STARD13: variants seen among roughly 807,000 people sequenced by gnomAD.
STARD13 encodes stAR-related lipid transfer protein 13.
STARD13 carries 62 observed loss-of-function variants against 106.4 expected under a neutral mutation model. That is an observed-to-expected ratio of 0.58 (90% CI 0.48 to 0.72). STARD13 has a LOEUF of 0.72. Ranked by LOEUF, STARD13 falls within the 30% of genes least tolerant of loss-of-function variation. STARD13 has a pLI of 0.00. For missense variants in STARD13, 1,387 were observed against 1,424.0 expected (o/e 0.97, Z 0.42); for synonymous variants, 565 against 553.0 (o/e 1.02, Z -0.31).
chr13:33,229,943 C>A (rs1396598840), intron 1 of STARD13, among the ~76,000 whole-genome samples: 1 of 152,208 alleles, frequency 6.6e-6, no homozygotes, highest in Non-Finnish European at 1.5e-5. Context: ...TGGTTGCCTG[C>A]TGCCAGAAAT....
intron 1 of STARD13, chr13:33,188,112 T>G (rs1885940303): frequency 6.6e-6 from 1 of 152,118 alleles, no homozygotes; most frequent in Non-Finnish European, 1.5e-5. Context: ...CAAAGGCAGG[T>G]GGGTGAATCT....
chr13:33,248,275 T>C (rs781462923), intron 1 of STARD13, among the ~76,000 whole-genome samples: 2 of 152,092 alleles, frequency 1.3e-5, no homozygotes, highest in Non-Finnish European at 2.9e-5. Flanking sequence ...GGCAACCAGC[T>C]GTGGTGAGCT....
intron 1 of STARD13, among the ~76,000 whole-genome samples, chr13:33,314,381 G>C (rs930494193): frequency 6.6e-6 from 1 of 152,174 alleles, no homozygotes. Flanking sequence ...GTGATTTGGA[G>C]CAGGACTACA....
chr13:33,280,004 A>G (rs1891686393), intron 1 of STARD13: 2 of 152,182 alleles, frequency 1.3e-5, no homozygotes, highest in Non-Finnish European at 1.5e-5. Flanking sequence ...AACTTGAGCA[A>G]TACATGACTG....
At chr13:33,390,481 A>G in the STARD13 span, among the ~76,000 whole-genome samples, 3 of 152,142 alleles carry the variant, frequency 2.0e-5, no homozygotes. Context: ...CGCAAGCTTT[A>G]CTCTACTTGA....
Position 33,105,512 on chromosome 13 carries a change from G to T in STARD13, c.*81C>A. On this transcript the variant is annotated 3_prime_UTR_variant, in exon 14 of 14. Coordinates refer to ENST00000336934, the MANE Select transcript of STARD13 (RefSeq NM_178006.4). ...GCGTCCTTCAGTTCCTCTTTCTCTC[G>T]CTTTCTCACATGCACACTCTCTGCC... The T allele has an allele frequency of 3.1e-6, 3 of 968,384 alleles. No individual in the cohort carries two copies. Among genetic ancestry groups the T allele is most frequent in the Non-Finnish European group, 4.9e-6 (3 of 608,156 alleles). The allele number at this position is 968,384 out of a possible 1,614,324, so 60.0% of individuals were successfully genotyped here.
chr13:33,651,449 GCCT>G, the STARD13 span, among the ~76,000 whole-genome samples: 1 of 152,146 alleles, frequency 6.6e-6, no homozygotes, highest in African/African-American at 2.4e-5. Flanking sequence ...CCCATTTCAT[GCCT>G]CTAATCCAAG....
chr13:33,263,805 C>T (rs115188993), intron 1 of STARD13, among the ~76,000 whole-genome samples: 1 of 152,222 alleles, frequency 6.6e-6, no homozygotes, highest in African/African-American at 2.4e-5. Context: ...GAAAAAATGA[C>T]AGGAACCCAG....
chr13:33,455,021 T>C, the STARD13 span, among the ~76,000 whole-genome samples: 1 of 152,226 alleles, frequency 6.6e-6, no homozygotes, highest in Non-Finnish European at 1.5e-5. Context: ...CTGGCTTTTG[T>C]TCAAAGATAT....
chr13:33,314,483 C>T (rs150449802), intron 1 of STARD13, among the ~76,000 whole-genome samples: 1 of 152,232 alleles, frequency 6.6e-6, no homozygotes, highest in Non-Finnish European at 1.5e-5. Flanking sequence ...TAGCAGAAGG[C>T]CAGTTATCTG....
chr13:33,617,906 T>C, the STARD13 span, among the ~76,000 whole-genome samples: 1 of 152,194 alleles, frequency 6.6e-6, no homozygotes, highest in African/African-American at 2.4e-5. Flanking sequence ...CATGATGTTA[T>C]GATAGAAAAT....
At chr13:33,403,154 C>T in the STARD13 span, among the ~76,000 whole-genome samples, 1 of 152,236 alleles carries the variant, frequency 6.6e-6, no homozygotes, top group Non-Finnish European at 1.5e-5. Context: ...GCCCCGGCTC[C>T]TGTACCTGCC....
chr13:33,369,116 A>T, the STARD13 span, among the ~76,000 whole-genome samples: 1 of 152,002 alleles, frequency 6.6e-6, no homozygotes, highest in Non-Finnish European at 1.5e-5. Flanking sequence ...TGGTGTCTGT[A>T]TTGTTCTGCA....
chr13:33,514,918 G>A, the STARD13 span, among the ~76,000 whole-genome samples: 2 of 152,220 alleles, frequency 1.3e-5, no homozygotes, highest in African/African-American at 4.8e-5. Context: ...GAACTGGTGG[G>A]CAGAAATTGT....
At chr13:33,156,048 AACCTTGGCTGCATT>A (rs1478782282) in intron 3 of STARD13, among the ~76,000 whole-genome samples, 1 of 152,256 alleles carries the variant, frequency 6.6e-6, no homozygotes, top group African/African-American at 2.4e-5. Context: ...ATGACTGCCA[AACCTTGGCTGCATT>A]ACGCCCCCAT....
At chr13:33,545,584 C>T in the STARD13 span, among the ~76,000 whole-genome samples, 39 of 152,244 alleles carry the variant, frequency 2.6e-4, 2 homozygotes, top group East Asian at 5.4e-3. Context: ...AATTTGATCC[C>T]CAGTGTTGGA....
the STARD13 span, among the ~76,000 whole-genome samples, chr13:33,488,448 C>A: frequency 5.9e-5 from 9 of 152,270 alleles, no homozygotes; most frequent in Non-Finnish European, 1.2e-4. Flanking sequence ...CAATCAAACC[C>A]AATTACTTCT....
the STARD13 span, among the ~76,000 whole-genome samples, chr13:33,372,058 G>A: frequency 6.6e-6 from 1 of 152,166 alleles, no homozygotes; most frequent in South Asian, 2.1e-4. Context: ...TTTAATGTAA[G>A]CAATCAGACA....
At chr13:33,396,888 C>T in the STARD13 span, among the ~76,000 whole-genome samples, 2 of 152,204 alleles carry the variant, frequency 1.3e-5, no homozygotes. Context: ...CCCCAGCTTT[C>T]TTCCTGGAAG....
Sources: gnomAD v4.1 joint callset for allele counts (sites outside exome capture counted in the v4.1 genomes callset) on GRCh38, gnomAD v4.1.1 for gene constraint, MANE v1.5 for transcripts, NCBI Gene and HGNC (gene_info 2026-07-23, HGNC 2026-07-21) for gene names.